TIMP2: variants seen among roughly 807,000 people sequenced by gnomAD.
The protein encoded by TIMP2 is TIMP metallopeptidase inhibitor 2.
In TIMP2, 5 loss-of-function variants were observed where a neutral mutation model predicts 24.3. That is an observed-to-expected ratio of 0.21 (90% CI 0.11 to 0.43). The LOEUF (loss-of-function observed/expected upper bound fraction) is 0.43, where lower values mean the gene tolerates loss of function less well. Ranked by LOEUF, TIMP2 falls within the 20% of genes least tolerant of loss-of-function variation. The pLI is 1.00. For missense variants in TIMP2, 221 were observed against 297.5 expected, an observed-to-expected ratio of 0.74 and a Z score of 1.89; for synonymous variants, 130 against 123.2, an observed-to-expected ratio of 1.06 and a Z score of -0.37.
intron 1 of TIMP2, among the ~76,000 whole-genome samples, chr17:78,895,507 T>C (rs76589882): frequency 6.6e-6 from 1 of 151,978 alleles, no homozygotes; most frequent in South Asian, 2.1e-4. Context: ...GGGGGAGGAA[T>C]TGGAACCCTG....
At chr17:78,917,966 T>C (rs1302601451) in intron 1 of TIMP2, among the ~76,000 whole-genome samples, 1 of 151,986 alleles carries the variant, frequency 6.6e-6, no homozygotes, top group Non-Finnish European at 1.5e-5. Context: ...AAGACTCCTT[T>C]TAAATGGCAG....
rs1422334761 is a variant in TIMP2, at chr17:78,870,986, C to G, written c.252G>C (p.Lys84Asn). Reference sequence around the variant, plus strand: ...GGGCCGTGTAGATAAACTCTATATCCTTCTCAGGCCCTTTGAACATCTGGA... The same window carrying G: ...GGGCCGTGTAGATAAACTCTATATCGTTCTCAGGCCCTTTGAACATCTGGA... ...KQIKMFKGPEKDIEFIYTAPS... is the reference protein window; with the variant it reads ...KQIKMFKGPENDIEFIYTAPS... The change falls in exon 3 of 5, where the codon AAG becomes AAC. Residue 84 changes from lysine (K) to asparagine (N), a missense_variant. Lys to Asn is a moderately conservative substitution (Grantham distance 94). Transcript: ENST00000262768. 6.2e-7 allele frequency: 1 copy of G among 1,613,142 alleles called. No individual in the cohort carries two copies. Among genetic ancestry groups the G allele is most frequent in the Non-Finnish European group, 8.5e-7 (1 of 1,179,598 alleles).
intron 1 of TIMP2, chr17:78,874,267 T>C (rs79572104): frequency 4.2e-6 from 1 of 238,304 alleles, no homozygotes; most frequent in East Asian, 1.0e-4. Context: ...TCTGTTGATA[T>C]CATGCTTGAG....
At chr17:78,859,434 C>A (rs144955945) in intron 3 of TIMP2, among the ~76,000 whole-genome samples, 4,452 of 151,706 alleles carry the variant, frequency 0.029, 216 homozygotes, top group African/African-American at 0.099. Context: ...CTGAGGTGGG[C>A]GGATCACTTG....
chr17:78,917,501 T>G (rs183992769), intron 1 of TIMP2, among the ~76,000 whole-genome samples: 10 of 152,312 alleles, frequency 6.6e-5, no homozygotes, highest in Admixed American at 6.5e-4. Flanking sequence ...AATTCTATTG[T>G]AAAACAAAAT....
chr17:78,922,377 C>G (rs1349171401), intron 1 of TIMP2: 1 of 152,202 alleles, frequency 6.6e-6, no homozygotes, highest in Non-Finnish European at 1.5e-5. Context: ...GGTGTATGGG[C>G]TGAATTACGT....
In TIMP2 at chr17:78,855,007, A is replaced by G. The variant is rs1256775448; in HGVS notation, c.*660T>C. ...AGCTCAGCTGGGGTTTCTCGCTCCC[A>G]TTTCTACAAGGCTCAGAGGGAGGCT... On this transcript the variant is annotated 3_prime_UTR_variant, in exon 5 of 5. Coordinates refer to ENST00000262768, the MANE Select transcript of TIMP2 (RefSeq NM_003255.5). This position sits in a 1 kb window ranked among gnomAD's most constrained non-coding sequence, Gnocchi z 6.0. 6.6e-6 allele frequency: 1 copy of G among 150,812 alleles called. No individual in the cohort carries two copies. Among genetic ancestry groups the G allele is most frequent in the African/African-American group, 2.5e-5 (1 of 40,780 alleles). 9.3% of individuals were successfully genotyped at this position (150,812 alleles called of 1,614,324 possible).
chr17:78,862,187 C>T (rs1351612818), intron 3 of TIMP2, among the ~76,000 whole-genome samples: 3 of 152,198 alleles, frequency 2.0e-5, no homozygotes, highest in Admixed American at 6.5e-5. Flanking sequence ...ACTGAGTCAT[C>T]GGTCCAGGAG....
Position 78,922,839 on chromosome 17 carries a change from C to T in TIMP2, c.130+2120G>A, listed in dbSNP as rs144845646. Among the ~76,000 whole-genome samples, 774 of 152,182 alleles carry T rather than the reference C, an allele frequency of 5.1e-3. 3 individuals carry two copies. The highest frequency in any genetic ancestry group is 8.6e-3 in the Non-Finnish European group (588 of 68,010). The stretch of plus-strand genomic sequence containing the variant: ...AGGGAAATTTGGACACAGAGACACA[C>T]GAGAGAAGGCCATGTGAAGACAGGC... On this transcript the variant is annotated intron_variant, in intron 1 of 4. Coordinates refer to ENST00000262768, the MANE Select transcript of TIMP2 (RefSeq NM_003255.5).
At chr17:78,887,509 C>T (rs1383222372) in intron 1 of TIMP2, among the ~76,000 whole-genome samples, 1 of 152,138 alleles carries the variant, frequency 6.6e-6, no homozygotes, top group Non-Finnish European at 1.5e-5. Flanking sequence ...CTCAGCCTCC[C>T]GAATAGCTGG....
chr17:78,893,769 A>G (rs2145774401), intron 1 of TIMP2, among the ~76,000 whole-genome samples: 1 of 152,206 alleles, frequency 6.6e-6, no homozygotes, highest in Middle Eastern at 3.4e-3. Context: ...CTTTCCTTTT[A>G]TAATGATCAG....
rs1018695555 is a variant in TIMP2, at chr17:78,853,036, A to G, written c.*2631T>C. The G allele has an allele frequency of 1.3e-5, 2 of 152,568 alleles. No individual in the cohort carries two copies. The highest frequency in any genetic ancestry group is 4.8e-5 in the African/African-American group (2 of 41,424). The allele number at this position is 152,568 out of a possible 1,614,324, so 9.5% of individuals were successfully genotyped here. On this transcript the variant is annotated 3_prime_UTR_variant, in exon 5 of 5. Coordinates refer to ENST00000262768, the MANE Select transcript of TIMP2 (RefSeq NM_003255.5). ...CGAGCGATTGCTCAAGAATGATACA[A>G]AGCATCAGAGACATGCGCAGTCTGC...
chr17:78,870,381 A>C (rs2069667911), intron 3 of TIMP2, among the ~76,000 whole-genome samples: 1 of 150,592 alleles, frequency 6.6e-6, no homozygotes. Context: ...GCACCACTGC[A>C]CTCCAGCCTG....
chr17:78,910,066 T>C (rs111562288), intron 1 of TIMP2, among the ~76,000 whole-genome samples: 2,383 of 152,326 alleles, frequency 0.016, 22 homozygotes, highest in Non-Finnish European at 0.023. Context: ...ATACATACAA[T>C]GTATAGTGAT....
Position 78,901,714 on chromosome 17 carries a change from T to C in TIMP2, c.130+23245A>G, listed in dbSNP as rs912103698. The C allele has an allele frequency of 5.6e-6, 4 of 716,918 alleles. No homozygotes were observed. The African/African-American group carries it at 7.0e-5, about 13-fold the overall frequency. 44.4% of individuals were successfully genotyped at this position (716,918 alleles called of 1,614,324 possible). On this transcript the variant is annotated intron_variant, in intron 1 of 4. Coordinates refer to ENST00000262768, the MANE Select transcript of TIMP2 (RefSeq NM_003255.5). The stretch of plus-strand genomic sequence containing the variant: ...GGGATGATAACAACAGCAGCACCCA[T>C]CTACAGAGATGCCAGTGCTTGTCAC...
chr17:78,896,541 G>A lies in TIMP2; in HGVS notation c.131-22622C>T, dbSNP rs922329174. On this transcript the variant is annotated intron_variant, in intron 1 of 4. Coordinates refer to ENST00000262768, the MANE Select transcript of TIMP2 (RefSeq NM_003255.5). The surrounding 1 kb of genome is among the most constrained non-coding windows in gnomAD (Gnocchi z 4.4). ...TTCTAGAAGGGGCAGGGGTCCTGGC[G>A]CTCCTCTGTCCTCCACATCCTCTGA... is the stretch of plus-strand genomic sequence containing the variant. Among the ~76,000 whole-genome samples, 4 of 152,084 alleles carry A rather than the reference G, an allele frequency of 2.6e-5. No individual in the cohort carries two copies. The highest frequency in any genetic ancestry group is 5.9e-5 in the Non-Finnish European group (4 of 68,000).
intron 1 of TIMP2, chr17:78,890,576 G>A (rs1191878046): frequency 5.1e-5 from 75 of 1,484,246 alleles, no homozygotes; most frequent in Non-Finnish European, 6.4e-5. Context: ...TTAGAGACCC[G>A]GGTACCAGTG....
chr17:78,888,155 CTT>C (rs5822277), intron 1 of TIMP2, among the ~76,000 whole-genome samples: 3 of 141,478 alleles, frequency 2.1e-5, no homozygotes, highest in Admixed American at 7.1e-5. Flanking sequence ...CTTTTTGTTT[CTT>C]TTTTTTTTTT....
At chr17:78,901,821 G>A (rs1414883464) in intron 1 of TIMP2, 1 of 715,782 alleles carries the variant, frequency 1.4e-6, no homozygotes, top group Admixed American at 2.0e-5. Flanking sequence ...AGACCACCCA[G>A]AACACATTAC....
Sources: allele counts gnomAD v4.1 joint callset (sites outside exome capture counted in the v4.1 genomes callset), GRCh38; gene constraint gnomAD v4.1.1; non-coding constraint Gnocchi (gnomAD v3.1); transcripts MANE v1.5; gene names NCBI Gene and HGNC (gene_info 2026-07-23, HGNC 2026-07-21).